Variants in OCA2 observed in about 807,000 individuals in gnomAD.
OCA2 encodes the protein P protein.
Under a neutral mutation model 100.2 loss-of-function variants are expected in OCA2, and 77 were observed. The observed-to-expected ratio is 0.77, with a 90% CI of 0.64 to 0.93. The LOEUF (loss-of-function observed/expected upper bound fraction) is 0.93. Ranked by LOEUF, OCA2 falls within the 40% of genes least tolerant of loss-of-function variation. OCA2 has a pLI of 0.00. For synonymous variants in OCA2, 432 were observed against 439.2 expected, an observed-to-expected ratio of 0.98 and a Z score of 0.21; for missense variants, 1,062 against 1,089.1, an observed-to-expected ratio of 0.98 and a Z score of 0.35.
intron 2 of OCA2, among the ~76,000 whole-genome samples, chr15:28,057,442 G>C (rs2043736654): frequency 6.6e-6 from 1 of 151,976 alleles, no homozygotes; most frequent in African/African-American, 2.4e-5. Context: ...CCCTTGTCAG[G>C]GTATCTGTGC....
At chr15:28,007,482 G>A (rs1044126341) in intron 9 of OCA2, among the ~76,000 whole-genome samples, 1 of 152,224 alleles carries the variant, frequency 6.6e-6, no homozygotes, top group Non-Finnish European at 1.5e-5. Context: ...TGTAATCCCA[G>A]CACTTTGGGA....
chr15:27,917,648 G>A (rs1810681278), intron 19 of OCA2, among the ~76,000 whole-genome samples: 1 of 152,110 alleles, frequency 6.6e-6, no homozygotes, highest in South Asian at 2.1e-4. Flanking sequence ...GATGATGATG[G>A]TCAGACTGCT....
chr15:28,033,188 A>G (rs1482906111), intron 2 of OCA2, among the ~76,000 whole-genome samples: 2 of 152,252 alleles, frequency 1.3e-5, no homozygotes, highest in African/African-American at 4.8e-5. Context: ...ACATGATGTT[A>G]AAAGACAACC....
chr15:27,817,468 C>T (rs7169033), intron 23 of OCA2, among the ~76,000 whole-genome samples: 37,067 of 152,052 alleles, frequency 0.24, 6,414 homozygotes, highest in East Asian at 0.54. Context: ...TCAGTTCCTG[C>T]ATACTGATGA....
the OCA2 span, among the ~76,000 whole-genome samples, chr15:27,721,507 G>A: frequency 1.4e-4 from 22 of 152,158 alleles, no homozygotes; most frequent in Admixed American, 3.9e-4. Context: ...GAAGAAAATT[G>A]TTTTGCTTTT....
chr15:27,852,028 C>T (rs2035771357), intron 21 of OCA2, among the ~76,000 whole-genome samples: 1 of 152,188 alleles, frequency 6.6e-6, no homozygotes, highest in African/African-American at 2.4e-5. Flanking sequence ...GCCAGGCACC[C>T]TGAGCCTGCT....
intron 23 of OCA2, among the ~76,000 whole-genome samples, chr15:27,820,066 G>A (rs987076752): frequency 3.3e-5 from 5 of 152,156 alleles, no homozygotes; most frequent in Admixed American, 6.5e-5. Flanking sequence ...AAGAAGTTGA[G>A]TAAGAAATAA....
chr15:27,808,309 G>C (rs1355648762), intron 23 of OCA2, among the ~76,000 whole-genome samples: 1 of 152,236 alleles, frequency 6.6e-6, no homozygotes, highest in Non-Finnish European at 1.5e-5. Flanking sequence ...AGTGATGCTC[G>C]GGGAGCCTGA....
chr15:28,096,277 C>T (rs2044980961), intron 1 of OCA2, among the ~76,000 whole-genome samples: 1 of 148,762 alleles, frequency 6.7e-6, no homozygotes, highest in South Asian at 2.2e-4. Context: ...GTAGTGTCTC[C>T]GGGGGCATGG....
intron 23 of OCA2, among the ~76,000 whole-genome samples, chr15:27,844,701 A>C (rs2035468626): frequency 6.6e-6 from 1 of 152,042 alleles, no homozygotes; most frequent in Admixed American, 6.5e-5. Flanking sequence ...GGGATTCACC[A>C]TGTTGCCCAG....
intron 2 of OCA2, among the ~76,000 whole-genome samples, chr15:28,053,974 G>T (rs1169627359): frequency 2.0e-5 from 3 of 152,162 alleles, no homozygotes; most frequent in African/African-American, 7.2e-5. Flanking sequence ...CAGAGTAACA[G>T]AAGATAGAAA....
chr15:27,881,611 T>C (rs1055583557), intron 19 of OCA2, among the ~76,000 whole-genome samples: 1 of 152,228 alleles, frequency 6.6e-6, no homozygotes, highest in African/African-American at 2.4e-5. Flanking sequence ...GGTGTATGTG[T>C]CCAGGAATTT....
chr15:27,971,528 G>A, intron 14 of OCA2, among the ~76,000 whole-genome samples: 1 of 152,160 alleles, frequency 6.6e-6, no homozygotes, highest in Admixed American at 6.5e-5. Flanking sequence ...ACCCAAGGGA[G>A]GCTTGTGGCT....
At chr15:27,925,330 G>A (rs2039005480) in intron 19 of OCA2, among the ~76,000 whole-genome samples, 2 of 152,188 alleles carry the variant, frequency 1.3e-5, no homozygotes, top group South Asian at 2.1e-4. Flanking sequence ...ATGCTAGACC[G>A]TAAAACAAGT....
rs1167244898 is a variant in OCA2, at chr15:28,046,028, C to T, written c.228-13865G>A. Among the ~76,000 whole-genome samples the T allele has an allele frequency of 5.3e-4, 80 of 152,290 alleles. 1 individual carries two copies. The highest frequency in any genetic ancestry group is 2.9e-5 in the Non-Finnish European group (2 of 68,028). On this transcript the variant is annotated intron_variant, in intron 2 of 23. Transcript: ENST00000354638. ...GAGATGGCTCGCTGGTTAGGGACCA[C>T]GTGTCCCACCCCTTCTATTTCAGGG...
chr15:27,867,757 T>G (rs1419837819), intron 21 of OCA2, among the ~76,000 whole-genome samples: 1 of 152,222 alleles, frequency 6.6e-6, no homozygotes, highest in Non-Finnish European at 1.5e-5. Context: ...AACGACATGC[T>G]TATGTATGTT....
At position 27,805,224 on chromosome 15, in the gene OCA2, A is replaced by T. The variant is rs1350646182; in HGVS notation, c.2432+39735T>A. 2.0e-5 allele frequency among the ~76,000 whole-genome samples: 3 copies of T among 152,328 alleles called. No individual in the cohort carries two copies. In the East Asian group the frequency reaches 5.8e-4, roughly 30 times the overall value. ...TGGCCTGGAGCAGGTGAAAGGTTTG[A>T]TGGGAGACTCCATGTGATGCAATGC... On this transcript the variant is annotated intron_variant, in intron 23 of 23. Coordinates refer to ENST00000354638, the MANE Select transcript of OCA2 (RefSeq NM_000275.3).
chr15:27,879,453 C>T (rs943125204), intron 19 of OCA2, among the ~76,000 whole-genome samples: 1 of 152,170 alleles, frequency 6.6e-6, no homozygotes, highest in African/African-American at 2.4e-5. Flanking sequence ...AATCGTTGAA[C>T]TAATTTAGAT....
the OCA2 span, among the ~76,000 whole-genome samples, chr15:27,722,151 G>A: frequency 6.6e-6 from 1 of 152,250 alleles, no homozygotes; most frequent in African/African-American, 2.4e-5. Flanking sequence ...ATGCAAGAAT[G>A]TGTGCCGTTC....
Sources: allele counts gnomAD v4.1 joint callset (sites outside exome capture counted in the v4.1 genomes callset), GRCh38; gene constraint gnomAD v4.1.1; transcripts MANE v1.5; gene names NCBI Gene and HGNC (gene_info 2026-07-23, HGNC 2026-07-21).